CNTNAP2: variants seen among roughly 807,000 people sequenced by gnomAD.
CNTNAP2 encodes contactin associated protein 2, also known as contactin-associated protein-like 2.
CNTNAP2 carries 98 observed loss-of-function variants against 155.2 expected under a neutral mutation model. That is an observed-to-expected ratio of 0.63 (90% CI 0.54 to 0.75). CNTNAP2 has a LOEUF of 0.75. Among genes scored for constraint, CNTNAP2 ranks in the 30% least tolerant of loss-of-function variants. CNTNAP2 has a pLI of 0.00. For synonymous variants in CNTNAP2, 651 were observed against 631.2 expected, an observed-to-expected ratio of 1.03 and a Z score of -0.47; for missense variants, 1,727 against 1,688.1, an observed-to-expected ratio of 1.02 and a Z score of -0.40.
intron 21 of CNTNAP2, among the ~76,000 whole-genome samples, chr7:148,346,852 C>G (rs1185299468): frequency 6.6e-6 from 1 of 151,714 alleles, no homozygotes; most frequent in Non-Finnish European, 1.5e-5. Context: ...TAGAAAGATG[C>G]AATAATACTA....
At chr7:148,095,784 C>T (rs984240720) in intron 15 of CNTNAP2, among the ~76,000 whole-genome samples, 3 of 152,146 alleles carry the variant, frequency 2.0e-5, no homozygotes, top group Non-Finnish European at 4.4e-5. Flanking sequence ...AGTTGTTATG[C>T]TTTGTGGAAA....
intron 11 of CNTNAP2, among the ~76,000 whole-genome samples, chr7:147,543,093 C>T (rs1036294035): frequency 7.2e-5 from 11 of 152,088 alleles, no homozygotes; most frequent in South Asian, 2.1e-4. Flanking sequence ...CTGAGAGCCC[C>T]GAACAGGGAT....
At chr7:148,257,235 G>T (rs182830584) in intron 20 of CNTNAP2, among the ~76,000 whole-genome samples, 2 of 152,146 alleles carry the variant, frequency 1.3e-5, no homozygotes, top group African/African-American at 4.8e-5. Flanking sequence ...AGAGGCAAAG[G>T]CTCCCTGACT....
chr7:147,763,564 C>T (rs1048031547), intron 13 of CNTNAP2, among the ~76,000 whole-genome samples: 4 of 152,022 alleles, frequency 2.6e-5, no homozygotes, highest in African/African-American at 4.8e-5. Flanking sequence ...GGCAAAGAGC[C>T]GTTAAAAGTT....
chr7:147,648,687 C>G (rs1795405685), intron 13 of CNTNAP2, among the ~76,000 whole-genome samples: 1 of 152,086 alleles, frequency 6.6e-6, no homozygotes, highest in Non-Finnish European at 1.5e-5. Context: ...ATGAGAGTAG[C>G]ACAGGAAAGA....
chr7:147,911,357 G>A (rs770704929), intron 14 of CNTNAP2, among the ~76,000 whole-genome samples: 2 of 152,178 alleles, frequency 1.3e-5, no homozygotes, highest in Non-Finnish European at 2.9e-5. Context: ...AGATGTTACG[G>A]TCATTTGATT....
At chr7:147,063,948 G>C (rs890382261) in intron 4 of CNTNAP2, among the ~76,000 whole-genome samples, 3 of 152,072 alleles carry the variant, frequency 2.0e-5, no homozygotes, top group African/African-American at 4.8e-5. Flanking sequence ...ATGTAAGTTA[G>C]CTAAGAATTA....
chr7:147,352,607 G>A (rs1412575123), intron 9 of CNTNAP2, among the ~76,000 whole-genome samples: 1 of 151,930 alleles, frequency 6.6e-6, no homozygotes, highest in African/African-American at 2.4e-5. Context: ...TATACTTTAT[G>A]GTATTGACAC....
intron 13 of CNTNAP2, among the ~76,000 whole-genome samples, chr7:147,872,446 C>A (rs1367128295): frequency 6.6e-6 from 1 of 152,134 alleles, no homozygotes; most frequent in Non-Finnish European, 1.5e-5. Flanking sequence ...AGCAGAATTA[C>A]CTTTGCCTAG....
At chr7:147,085,322 G>A (rs1241314918) in intron 4 of CNTNAP2, among the ~76,000 whole-genome samples, 1 of 152,150 alleles carries the variant, frequency 6.6e-6, no homozygotes. Flanking sequence ...CCCGGCCACA[G>A]CATCAGAAGG....
At chr7:146,211,561 T>C (rs1174911894) in intron 1 of CNTNAP2, among the ~76,000 whole-genome samples, 1 of 152,184 alleles carries the variant, frequency 6.6e-6, no homozygotes, top group East Asian at 1.9e-4. Flanking sequence ...AGTTTTGTGC[T>C]TTGGATCCTG....
intron 20 of CNTNAP2, among the ~76,000 whole-genome samples, chr7:148,250,283 G>A (rs1313126280): frequency 6.6e-6 from 1 of 152,026 alleles, no homozygotes; most frequent in East Asian, 1.9e-4. Flanking sequence ...CCTCTTATTG[G>A]GCTCTAATTT....
chr7:146,224,752 G>C (rs183103120), intron 1 of CNTNAP2, among the ~76,000 whole-genome samples: 34 of 152,242 alleles, frequency 2.2e-4, no homozygotes, highest in African/African-American at 7.2e-4. Context: ...CTGGGTGACA[G>C]AGCGAAACTC....
chr7:146,231,119 T>C (rs1397842838), intron 1 of CNTNAP2, among the ~76,000 whole-genome samples: 4 of 152,188 alleles, frequency 2.6e-5, no homozygotes, highest in Non-Finnish European at 5.9e-5. Context: ...AATTGGCAGC[T>C]AGTGAGTCCT....
chr7:147,979,609 G>T (rs1801487378), intron 15 of CNTNAP2, among the ~76,000 whole-genome samples: 1 of 151,740 alleles, frequency 6.6e-6, no homozygotes, highest in Admixed American at 6.6e-5. Context: ...TTTTTTTCTT[G>T]TCTGTTTTGT....
chr7:147,714,054 G>C (rs1796446511), intron 13 of CNTNAP2, among the ~76,000 whole-genome samples: 2 of 152,078 alleles, frequency 1.3e-5, no homozygotes, highest in African/African-American at 4.8e-5. Flanking sequence ...AGTACCTACT[G>C]TATGCCAAGC....
In CNTNAP2 at chr7:146,390,554, C is replaced by CTA. The variant is rs1007357475; in HGVS notation, c.97+273593_97+273594dup. Among the ~76,000 whole-genome samples, 550 of 148,810 alleles carry CTA rather than the reference C, an allele frequency of 3.7e-3. 2 individuals are homozygous for CTA. The highest frequency in any genetic ancestry group is 0.012 in the African/African-American group (468 of 40,616). ...TAAAATATATGTATATATATACACA[C>CTA]TATATATATATATTCTTTCATGTAA... On this transcript the variant is annotated intron_variant, in intron 1 of 23. Coordinates refer to ENST00000361727, the MANE Select transcript of CNTNAP2 (RefSeq NM_014141.6).
chr7:147,272,585 G>C (rs189645387), intron 8 of CNTNAP2, among the ~76,000 whole-genome samples: 1 of 151,798 alleles, frequency 6.6e-6, no homozygotes, highest in East Asian at 1.9e-4. Flanking sequence ...TGCAAGCTCC[G>C]CCTCCCGGGT....
chr7:147,893,877 T>C (rs1039383836), intron 13 of CNTNAP2, among the ~76,000 whole-genome samples: 1 of 152,198 alleles, frequency 6.6e-6, no homozygotes, highest in African/African-American at 2.4e-5. Flanking sequence ...ACTTTAGGAC[T>C]AGTAGCCTGT....
Sources: gnomAD v4.1 joint callset for allele counts (sites outside exome capture counted in the v4.1 genomes callset) on GRCh38, gnomAD v4.1.1 for gene constraint, MANE v1.5 for transcripts, NCBI Gene and HGNC (gene_info 2026-07-23, HGNC 2026-07-21) for gene names.